The following ARHGEF4 variants were observed in gnomAD, a reference collection of about 807,000 sequenced individuals.
The protein encoded by ARHGEF4 is Rho guanine nucleotide exchange factor 4.
ARHGEF4 carries 119 observed loss-of-function variants against 162.0 expected under a neutral mutation model. The observed-to-expected ratio is 0.73, with a 90% CI of 0.63 to 0.86. The LOEUF (loss-of-function observed/expected upper bound fraction) is 0.86. Ranked by LOEUF, ARHGEF4 falls within the 40% of genes least tolerant of loss-of-function variation. The pLI is 0.00. For missense variants in ARHGEF4, 2,488 were observed against 2,456.0 expected (o/e 1.01, Z -0.28); for synonymous variants, 1,014 against 979.9 (o/e 1.03, Z -0.65).
chr2:131,026,120 G>A (rs1689462130), intron 4 of ARHGEF4, among the ~76,000 whole-genome samples: 1 of 152,112 alleles, frequency 6.6e-6, no homozygotes, highest in Non-Finnish European at 1.5e-5. Context: ...AGACATTGTA[G>A]GTCCATGGGA....
Position 131,040,084 on chromosome 2 carries a change from C to T in ARHGEF4, c.4374C>T (p.Asp1458=), listed in dbSNP as rs779052727. ...TGGCCGGGAACAGCGGAGCGGAGGACGGCGGGGCGGAGGCGCAGAGCAGCA... is the reference window on the plus strand; with the variant it reads ...TGGCCGGGAACAGCGGAGCGGAGGATGGCGGGGCGGAGGCGCAGAGCAGCA... ...APLAGNSGAE[D]GGAEAQSSKD... The change falls in exon 7 of 14, where the codon GAC becomes GAT. Residue 1458 remains aspartate (D), a synonymous_variant. Transcript: ENST00000409359. 9 of 1,605,474 alleles carry T rather than the reference C, an allele frequency of 5.6e-6. No individual in the cohort carries two copies. The highest frequency in any genetic ancestry group is 1.7e-4 in the Middle Eastern group (1 of 6,056).
intron 4 of ARHGEF4, among the ~76,000 whole-genome samples, chr2:131,015,703 A>G (rs1688731400): frequency 6.6e-6 from 1 of 152,232 alleles, no homozygotes; most frequent in Non-Finnish European, 1.5e-5. Context: ...CCTAGCGAAC[A>G]TGGCAAAACC....
At position 131,046,417 on chromosome 2, in the gene ARHGEF4, A is replaced by C. The variant is rs200642025; in HGVS notation, c.*228A>C. On this transcript the variant is annotated 3_prime_UTR_variant, in exon 14 of 14. Transcript: ENST00000409359. ...AGGGGGCAGACCCCGCACTCGCCAC[A>C]CCGCCGCTGCAGCTTGGGCCCCATC... 1 of 535,348 alleles carries C rather than the reference A, an allele frequency of 1.9e-6. No homozygotes were observed. The highest frequency in any genetic ancestry group is 3.3e-6 in the Non-Finnish European group (1 of 301,838). 33.2% of individuals were successfully genotyped at this position (535,348 alleles called of 1,614,324 possible).
intron 1 of ARHGEF4, among the ~76,000 whole-genome samples, chr2:130,890,781 T>C (rs1010577383): frequency 1.3e-5 from 2 of 152,080 alleles, no homozygotes; most frequent in African/African-American, 4.8e-5. Flanking sequence ...ATACTTAAGC[T>C]TGTCTTTTGT....
At chr2:130,923,023 C>T (rs1009573909) in intron 2 of ARHGEF4, among the ~76,000 whole-genome samples, 5 of 152,028 alleles carry the variant, frequency 3.3e-5, no homozygotes, top group African/African-American at 7.2e-5. Flanking sequence ...TTCCGCTTCC[C>T]GGGTTCAAGC....
At chr2:130,975,325 A>C (rs1188083708) in intron 4 of ARHGEF4, among the ~76,000 whole-genome samples, 1 of 152,060 alleles carries the variant, frequency 6.6e-6, no homozygotes, top group Non-Finnish European at 1.5e-5. Flanking sequence ...AGGGCTAGCT[A>C]ATTCCTAGAG....
chr2:131,008,040 T>C (rs1004630413), intron 4 of ARHGEF4, among the ~76,000 whole-genome samples: 2 of 152,108 alleles, frequency 1.3e-5, no homozygotes, highest in Non-Finnish European at 2.9e-5. Context: ...CTCGAACTCC[T>C]GACCTCAGGT....
chr2:130,959,837 G>T (rs1684528469), intron 4 of ARHGEF4, among the ~76,000 whole-genome samples: 3 of 152,184 alleles, frequency 2.0e-5, no homozygotes, highest in Admixed American at 1.3e-4. Context: ...TGTGGAAACT[G>T]AAGTGCAGGG....
intron 4 of ARHGEF4, among the ~76,000 whole-genome samples, chr2:131,018,641 CT>C (rs1688908898): frequency 6.6e-6 from 1 of 152,112 alleles, no homozygotes; most frequent in South Asian, 2.1e-4. Flanking sequence ...GTTGCCTGTG[CT>C]TTTGGTCTTA....
At chr2:130,839,179 C>T (rs1005279832) in intron 1 of ARHGEF4, among the ~76,000 whole-genome samples, 2 of 152,130 alleles carry the variant, frequency 1.3e-5, no homozygotes, top group East Asian at 1.9e-4. Flanking sequence ...CCACCGACAA[C>T]GTAGTTCATA....
At chr2:130,959,990 C>T (rs1684536079) in intron 4 of ARHGEF4, among the ~76,000 whole-genome samples, 1 of 152,220 alleles carries the variant, frequency 6.6e-6, no homozygotes, top group East Asian at 1.9e-4. Flanking sequence ...ACTGAACCTT[C>T]TGTGCTGGCC....
chr2:130,922,298 G>C (rs1223985137), intron 2 of ARHGEF4, among the ~76,000 whole-genome samples: 1 of 151,872 alleles, frequency 6.6e-6, no homozygotes, highest in African/African-American at 2.4e-5. Context: ...TTGAACCCAG[G>C]AGGTGGAGGT....
rs931965142 is a variant in ARHGEF4, at chr2:131,028,178, C to T, written c.4125+94C>T. 5.3e-6 allele frequency: 8 copies of T among 1,499,440 alleles called. No individual in the cohort carries two copies. The Admixed American group carries it at 6.0e-5, about 11-fold the overall frequency. 92.9% of individuals were successfully genotyped at this position (1,499,440 alleles called of 1,614,324 possible). ...ATGCAGGCCAGATGCCCACAGTCCA[C>T]GTTCCATGTGGCTGCTGGTGGTGCT... On this transcript the variant is annotated intron_variant, in intron 5 of 13. Transcript: ENST00000409359.
chr2:130,922,339 C>G (rs1681924114), intron 2 of ARHGEF4, among the ~76,000 whole-genome samples: 1 of 151,702 alleles, frequency 6.6e-6, no homozygotes, highest in South Asian at 2.1e-4. Flanking sequence ...CCGTTGCACT[C>G]CAGCCTGGGC....
intron 4 of ARHGEF4, among the ~76,000 whole-genome samples, chr2:131,025,079 C>G (rs1267261370): frequency 6.6e-6 from 1 of 152,070 alleles, no homozygotes; most frequent in Non-Finnish European, 1.5e-5. Flanking sequence ...AAAAAAATAC[C>G]TGAGACTGGG....
intron 4 of ARHGEF4, among the ~76,000 whole-genome samples, chr2:130,988,937 A>AGAGAG (rs1553437079): frequency 4.3e-4 from 45 of 104,522 alleles, no homozygotes; most frequent in African/African-American, 1.2e-3. Flanking sequence ...GAGAGAGAGA[A>AGAGAG]AGATTCCAAA....
At chr2:130,951,862 A>G (rs1683979717) in intron 4 of ARHGEF4, among the ~76,000 whole-genome samples, 1 of 152,102 alleles carries the variant, frequency 6.6e-6, no homozygotes, top group South Asian at 2.1e-4. Flanking sequence ...TATGCATATT[A>G]TACTTATCAA....
intron 1 of ARHGEF4, among the ~76,000 whole-genome samples, chr2:130,908,480 GC>G: frequency 6.6e-6 from 1 of 152,268 alleles, no homozygotes; most frequent in Non-Finnish European, 1.5e-5. Context: ...TTCAAGACCA[GC>G]CTGGCCAACA....
intron 1 of ARHGEF4, among the ~76,000 whole-genome samples, chr2:130,864,201 GAAAA>G (rs56982493): frequency 1.3e-4 from 13 of 101,574 alleles, no homozygotes; most frequent in Admixed American, 2.0e-4. Flanking sequence ...AAGAAAGAAA[GAAAA>G]AAAAAAAAAG....
Sources: allele counts gnomAD v4.1 joint callset (sites outside exome capture counted in the v4.1 genomes callset), GRCh38; gene constraint gnomAD v4.1.1; transcripts MANE v1.5; gene names NCBI Gene and HGNC (gene_info 2026-07-23, HGNC 2026-07-21).